The following NCOA7 variants were observed in gnomAD, a reference collection of about 807,000 sequenced individuals.
NCOA7 encodes 140 kDa estrogen receptor-associated protein.
A neutral mutation model predicts 104.3 loss-of-function variants in NCOA7; 45 were observed. That is an observed-to-expected ratio of 0.43 (90% confidence interval 0.34 to 0.55). The LOEUF is 0.55. Among genes scored for constraint, NCOA7 ranks in the 20% least tolerant of loss-of-function variants. The probability of loss-of-function intolerance (pLI) is 0.02; values close to 1 mark genes in which losing one functional copy is unlikely to be tolerated. For missense variants in NCOA7, 1,041 were observed against 1,119.7 expected (o/e 0.93, Z 1.00); for synonymous variants, 398 against 402.3 (o/e 0.99, Z 0.13).
At chr6:125,884,867 C>T (rs749618543) in intron 7 of NCOA7, among the ~76,000 whole-genome samples, 2 of 152,168 alleles carry the variant, frequency 1.3e-5, no homozygotes, top group African/African-American at 2.4e-5. Flanking sequence ...AAATCTGAGA[C>T]GTGCATGTGA....
chr6:125,923,077 A>G (rs1298520301), intron 13 of NCOA7, among the ~76,000 whole-genome samples: 2 of 152,230 alleles, frequency 1.3e-5, no homozygotes, highest in Non-Finnish European at 2.9e-5. Context: ...TCATACTTCC[A>G]AATACAGTCA....
chr6:125,920,569 A>G (rs1345577114), intron 11 of NCOA7, among the ~76,000 whole-genome samples: 4 of 152,078 alleles, frequency 2.6e-5, no homozygotes, highest in East Asian at 3.9e-4. Flanking sequence ...TTATTTATTT[A>G]TTTATTTTAT....
Position 125,915,496 on chromosome 6 carries a change from G to T in NCOA7, c.2244+16G>T, listed in dbSNP as rs1434105577. ...GAGCTGGGAGGTGAGCACTTGGGCA[G>T]GGTTAGACCGTCGTAGTTCCTAAGG... is the stretch of plus-strand genomic sequence containing the variant. On this transcript the variant is annotated intron_variant, in intron 11 of 15. Coordinates refer to ENST00000392477, the MANE Select transcript of NCOA7 (RefSeq NM_181782.5). 6.2e-7 allele frequency: 1 copy of T among 1,613,384 alleles called. No homozygotes were observed. Among genetic ancestry groups the T allele is most frequent in the Admixed American group, 1.7e-5 (1 of 60,004 alleles).
At chr6:125,866,423 C>G (rs187302201) in intron 3 of NCOA7, among the ~76,000 whole-genome samples, 7 of 152,278 alleles carry the variant, frequency 4.6e-5, no homozygotes, top group African/African-American at 1.2e-4. Context: ...AAATTTTTCT[C>G]CAAATCTTAG....
At chr6:125,853,886 C>T (rs1198913935) in intron 2 of NCOA7, among the ~76,000 whole-genome samples, 1 of 152,146 alleles carries the variant, frequency 6.6e-6, no homozygotes, top group Non-Finnish European at 1.5e-5. Flanking sequence ...AGTGTTGTAG[C>T]CTCAGGGAGG....
At chr6:125,832,153 T>TA (rs368881864) in intron 2 of NCOA7, among the ~76,000 whole-genome samples, 286 of 151,616 alleles carry the variant, frequency 1.9e-3, no homozygotes, top group African/African-American at 6.1e-3. Context: ...CACCTAAAAA[T>TA]AAAAAAAAAT....
rs1039334473 is a variant in NCOA7, at chr6:125,931,923, T to C, written c.*3152T>C. ...ACCCTCACCCTCTCTTCTGCTGCCA[T>C]GTAAGATGTGCCTTGCTTCCCCTTT... On this transcript the variant is annotated 3_prime_UTR_variant, in exon 16 of 16. Transcript: ENST00000392477. The C allele has an allele frequency of 6.6e-6, 1 of 152,220 alleles. No homozygotes were observed. The highest frequency in any genetic ancestry group is 1.5e-5 in the Non-Finnish European group (1 of 68,048). 9.4% of individuals were successfully genotyped at this position (152,220 alleles called of 1,614,324 possible).
chr6:125,858,999 G>A (rs1224173326), intron 3 of NCOA7, among the ~76,000 whole-genome samples: 1 of 152,208 alleles, frequency 6.6e-6, no homozygotes, highest in Non-Finnish European at 1.5e-5. Flanking sequence ...GGATCTCATT[G>A]GCTTGCTAAG....
intron 2 of NCOA7, among the ~76,000 whole-genome samples, chr6:125,846,295 A>G (rs924865253): frequency 8.5e-5 from 13 of 152,124 alleles, no homozygotes; most frequent in African/African-American, 3.1e-4. Flanking sequence ...TGTGAGACTT[A>G]GAAAAAACAT....
intron 12 of NCOA7, among the ~76,000 whole-genome samples, chr6:125,921,390 A>G (rs1375946117): frequency 3.3e-5 from 5 of 151,990 alleles, no homozygotes; most frequent in Non-Finnish European, 7.4e-5. Flanking sequence ...AGCCTGCGCA[A>G]CAGAGTGAGA....
chr6:125,890,826 A>G lies in NCOA7; in HGVS notation c.2096+16A>G. ...CTCGGGAGAGGTGAGTATGGGCTAC[A>G]ATGGAAAGTCTGTGGGTCTGTTAGG... On this transcript the variant is annotated intron_variant, in intron 10 of 15. Transcript: ENST00000392477. The G allele has an allele frequency of 6.4e-7, 1 of 1,558,378 alleles. No individual in the cohort carries two copies. Among genetic ancestry groups the G allele is most frequent in the South Asian group, 1.2e-5 (1 of 82,114 alleles).
At chr6:125,912,476 A>C (rs998668912) in intron 10 of NCOA7, among the ~76,000 whole-genome samples, 18 of 152,224 alleles carry the variant, frequency 1.2e-4, no homozygotes, top group Non-Finnish European at 2.4e-4. Context: ...AGACAGTGAG[A>C]GATAAAAAGG....
intron 2 of NCOA7, among the ~76,000 whole-genome samples, chr6:125,852,630 A>C (rs1384920367): frequency 6.6e-6 from 1 of 152,254 alleles, no homozygotes. Context: ...GCATATAGCT[A>C]TTCAGTTTTT....
rs748852767 is a variant in NCOA7, at chr6:125,889,943, A to G, written c.1889A>G (p.Gln630Arg). The G allele has an allele frequency of 1.6e-5, 25 of 1,562,962 alleles. No homozygotes were observed. The South Asian group carries it at 2.8e-4, about 17-fold the overall frequency. ...GAQMDNKSEV[Q>R]LWLLKRIQVP... Reference sequence around the variant, plus strand: ...CAAATGGATAATAAATCTGAAGTTCAGTTGTGGCTGTTAAAGAGAATTCAG... The same window carrying G: ...CAAATGGATAATAAATCTGAAGTTCGGTTGTGGCTGTTAAAGAGAATTCAG... Residue 630 changes from glutamine (Q) to arginine (R), a missense_variant, in exon 9 of 16, where the codon CAG (glutamine) becomes CGG (arginine). Physicochemically the swap from Gln to Arg is conservative, Grantham distance 43 (BLOSUM62 1). This residue lies in a region of NCOA7 where 914 missense variants were observed against 942.7 expected (regional missense o/e 0.97). Coordinates refer to ENST00000392477, the MANE Select transcript of NCOA7 (RefSeq NM_181782.5).
At position 125,922,750 on chromosome 6, in the gene NCOA7, C is replaced by T. The variant is rs774629629; in HGVS notation, c.2439C>T (p.His813=). 7.4e-6 allele frequency: 12 copies of T among 1,613,896 alleles called. No homozygotes were observed. The highest frequency in any genetic ancestry group is 5.5e-5 in the South Asian group (5 of 91,070). The part of the protein sequence containing the change: ...PWRLAYSTLE[H]GTSLKTLYRK... ...GACTGGCCTATAGCACGTTAGAGCA[C>T]GGGACCAGCTTAAAGACGCTCTACC... The change falls in exon 13 of 16, where the codon CAC becomes CAT. Residue 813 remains histidine, a synonymous_variant. Coordinates refer to ENST00000392477, the MANE Select transcript of NCOA7 (RefSeq NM_181782.5).
chr6:125,794,961 G>A (rs1775170785), intron 1 of NCOA7, among the ~76,000 whole-genome samples: 1 of 145,374 alleles, frequency 6.9e-6, no homozygotes, highest in Admixed American at 7.0e-5. Flanking sequence ...TGATTCATGT[G>A]ATTTATCCTT....
intron 13 of NCOA7, among the ~76,000 whole-genome samples, chr6:125,926,674 T>G (rs1788067611): frequency 6.6e-6 from 1 of 152,172 alleles, no homozygotes; most frequent in Non-Finnish European, 1.5e-5. Context: ...TAATACTTAG[T>G]GTTACAAGTA....
intron 8 of NCOA7, among the ~76,000 whole-genome samples, chr6:125,886,430 T>C (rs1283673270): frequency 6.6e-6 from 1 of 152,234 alleles, no homozygotes; most frequent in Non-Finnish European, 1.5e-5. Flanking sequence ...ATCTTCAGCC[T>C]AGGATATTAA....
At position 125,889,805 on chromosome 6, in the gene NCOA7, A is replaced by G; in HGVS notation, c.1751A>G (p.Lys584Arg). The G allele has an allele frequency of 6.2e-7, 1 of 1,612,786 alleles. No individual in the cohort carries two copies. The highest frequency in any genetic ancestry group is 2.2e-5 in the East Asian group (1 of 44,854). Residue 584 changes from lysine to arginine, a missense_variant, in exon 9 of 16, where the codon AAA becomes AGA. Lys to Arg is a conservative substitution (Grantham distance 26). Transcript: ENST00000392477. ...GNKEPDKTWVKKGEPLPVKLN... is the reference protein window; with the variant it reads ...GNKEPDKTWVRKGEPLPVKLN... ...AAAGAGCCAGATAAGACCTGGGTGA[A>G]AAAGGGAGAGCCCCTCCCGGTAAAA...
Sources: gnomAD v4.1 joint callset for allele counts (sites outside exome capture counted in the v4.1 genomes callset) on GRCh38, gnomAD v4.1.1 for gene constraint, gnomAD v4.1.1 regional missense constraint, MANE v1.5 for transcripts, NCBI Gene and HGNC (gene_info 2026-07-23, HGNC 2026-07-21) for gene names.